The following TAF1 variants were observed in gnomAD, a reference collection of about 807,000 sequenced individuals.
TAF1 encodes the protein transcription initiation factor TFIID subunit 1.
In TAF1, 2 loss-of-function variants were observed where a neutral mutation model predicts 138.5. The observed-to-expected ratio is 0.01, with a 90% confidence interval of 0.01 to 0.05. TAF1 has a LOEUF of 0.05. TAF1 is among the 10% of genes least tolerant of loss of function. The probability of loss-of-function intolerance (pLI) is 1.00; values close to 1 mark genes in which losing one functional copy is unlikely to be tolerated. For missense variants in TAF1, 709 were observed against 1,478.0 expected (o/e 0.48, Z 8.53); for synonymous variants, 437 against 503.2 (o/e 0.87, Z 1.76).
chrX:71,476,452 A>T (rs113448014), intron 13 of TAF1, among the ~76,000 whole-genome samples: 1 of 109,836 alleles, frequency 9.1e-6, no homozygotes, highest in African/African-American at 3.3e-5. Context: ...CCTGGGCAAC[A>T]TGATGAAACC....
intron 16 of TAF1, 166 bp downstream of exon 16, chrX:71,388,544 A>G (rs2034375487): frequency 2.2e-6 from 2 of 924,660 alleles, no homozygotes; most frequent in Admixed American, 7.5e-5. Context: ...TTTGGCTGCC[A>G]GGAAGTTTAA....
chrX:71,416,456 C>T (rs1028521058), intron 28 of TAF1, among the ~76,000 whole-genome samples: 1 of 104,953 alleles, frequency 9.5e-6, no homozygotes, highest in Admixed American at 1.0e-4. Flanking sequence ...AGGGGTTGCT[C>T]TCTGCCCACA....
At position 71,405,507 on chromosome X, in the gene TAF1, C is replaced by T. The variant is rs760581310; in HGVS notation, c.3999-1131C>T. Among the ~76,000 whole-genome samples the T allele has an allele frequency of 2.2e-3, 248 of 111,210 alleles. 4 individuals are homozygous for T. Among genetic ancestry groups the T allele is most frequent in the Non-Finnish European group, 1.2e-3 (63 of 53,040 alleles). ...CTGGTACTACAGGCACGTGCTGCCA[C>T]GCCAGGCTAATTTTTGTATTTTTAG... On this transcript the variant is annotated intron_variant, in intron 25 of 37. Coordinates refer to ENST00000423759, the MANE Select transcript of TAF1 (RefSeq NM_004606.5).
At chrX:71,389,518 T>TAA (rs151185299) in intron 17 of TAF1, 67 bp from the exon 18 acceptor site, 754 of 825,628 alleles carry the variant, frequency 9.1e-4, no homozygotes, top group Non-Finnish European at 1.1e-3. Context: ...TTGTATTCAG[T>TAA]AAAAAAAAAA....
intron 32 of TAF1, among the ~76,000 whole-genome samples, chrX:71,446,495 A>G: frequency 8.9e-6 from 1 of 112,121 alleles, no homozygotes; most frequent in East Asian, 2.8e-4. Context: ...GTGAAAAGGA[A>G]AAATCTTGTT....
chrX:71,510,173 T>C lies in TAF1; in HGVS notation c.1367-18369T>C, dbSNP rs140719817. ...CAAGATCCTGTCTCTTAAAAAGAAA[T>C]AAAGGATATTGGGGAGCTCCCACAA... On this transcript the variant is annotated intron_variant and NMD_transcript_variant, in intron 13 of 14. Transcript: ENST00000373775. 9.9e-4 allele frequency among the ~76,000 whole-genome samples: 109 copies of C among 109,817 alleles called. No homozygotes were observed. The Middle Eastern group carries it at 0.014, about 14-fold the overall frequency.
At chrX:71,454,636 T>A in intron 33 of TAF1, 105 bp from the exon 34 acceptor site, 1 of 660,064 alleles carries the variant, frequency 1.5e-6, no homozygotes, top group Non-Finnish European at 2.3e-6. Flanking sequence ...GTCCTGCCAC[T>A]AGAATATAAG....
intron 13 of TAF1, among the ~76,000 whole-genome samples, chrX:71,495,772 T>G (rs1224510269): frequency 8.9e-6 from 1 of 111,845 alleles, no homozygotes; most frequent in Non-Finnish European, 1.9e-5. Flanking sequence ...CAGTGGCCAT[T>G]TCTAACCCTA....
chrX:71,401,324 A>G (rs917282111), intron 24 of TAF1, among the ~76,000 whole-genome samples: 2 of 111,084 alleles, frequency 1.8e-5, no homozygotes, highest in Non-Finnish European at 3.8e-5. Context: ...TTATGCGTGG[A>G]TCGTGGTACG....
chrX:71,422,482 ATT>A (rs537053885), intron 29 of TAF1, among the ~76,000 whole-genome samples: 6 of 90,047 alleles, frequency 6.7e-5, no homozygotes, highest in African/African-American at 4.1e-5. Context: ...CGCCCAGCTA[ATT>A]TTTTTTTTTT....
chrX:71,443,815 TCTC>T (rs954446994), intron 32 of TAF1, among the ~76,000 whole-genome samples: 2 of 111,507 alleles, frequency 1.8e-5, no homozygotes, highest in Non-Finnish European at 3.8e-5. Flanking sequence ...TTCAAGTGAT[TCTC>T]CTGCTGCGGC....
At chrX:71,397,052 AGTGGGG>A (rs2034897789) in intron 22 of TAF1, among the ~76,000 whole-genome samples, 195 bp from the exon 23 acceptor site, 1 of 107,179 alleles carries the variant, frequency 9.3e-6, no homozygotes, top group African/African-American at 3.4e-5. Context: ...AAAAAAAAAA[AGTGGGG>A]AAATTGGCAG....
intron 13 of TAF1, among the ~76,000 whole-genome samples, chrX:71,478,750 G>C (rs1318930417): frequency 1.8e-5 from 2 of 111,897 alleles, no homozygotes; most frequent in Non-Finnish European, 3.8e-5. Context: ...GTAAGAAAAA[G>C]ACAAGCCATC....
At chrX:71,441,491 T>C (rs1402571957) in intron 32 of TAF1, among the ~76,000 whole-genome samples, 2 of 111,477 alleles carry the variant, frequency 1.8e-5, no homozygotes, top group Admixed American at 1.9e-4. Flanking sequence ...TTTCCATACA[T>C]ATAATTTATA....
chrX:71,435,615 T>G (rs768891641), intron 32 of TAF1, among the ~76,000 whole-genome samples: 1 of 112,074 alleles, frequency 8.9e-6, no homozygotes, highest in South Asian at 3.7e-4. Context: ...TACTACTAGT[T>G]GCTCAGTGTC....
At chrX:71,435,063 T>C (rs1266338794) in intron 32 of TAF1, among the ~76,000 whole-genome samples, 1 of 112,438 alleles carries the variant, frequency 8.9e-6, no homozygotes, top group East Asian at 2.8e-4. Context: ...ATGAGATTCC[T>C]CTTTCCCAAA....
chrX:71,395,120 G>A (rs2034778607), intron 22 of TAF1, among the ~76,000 whole-genome samples: 1 of 111,812 alleles, frequency 8.9e-6, no homozygotes, highest in African/African-American at 3.2e-5. Context: ...CCTGAATTGG[G>A]TTGGGATATG....
chrX:71,510,369 C>T (rs748882645), intron 13 of TAF1, among the ~76,000 whole-genome samples: 1 of 111,038 alleles, frequency 9.0e-6, no homozygotes, highest in Admixed American at 9.7e-5. Flanking sequence ...AAGCTCCACA[C>T]TCCACATATC....
intron 29 of TAF1, among the ~76,000 whole-genome samples, chrX:71,422,752 T>A (rs2036414701): frequency 9.0e-6 from 1 of 111,530 alleles, no homozygotes; most frequent in African/African-American, 3.3e-5. Context: ...TTATTTATTT[T>A]TTTTGAGATA....
Sources: gnomAD v4.1 joint callset for allele counts (sites outside exome capture counted in the v4.1 genomes callset) on GRCh38, gnomAD v4.1.1 for gene constraint, MANE v1.5 for transcripts, NCBI Gene and HGNC (gene_info 2026-07-23, HGNC 2026-07-21) for gene names.